PAFAH1B1: variants seen among roughly 807,000 people sequenced by gnomAD.
The protein encoded by PAFAH1B1 is platelet-activating factor acetylhydrolase IB subunit beta.
Under a neutral mutation model 57.5 loss-of-function variants are expected in PAFAH1B1, and 2 were observed. That is an observed-to-expected ratio of 0.03 (90% CI 0.01 to 0.11). The LOEUF is 0.11. Ranked by LOEUF, PAFAH1B1 falls within the 10% of genes least tolerant of loss-of-function variation. The probability of loss-of-function intolerance (pLI) is 1.00; values close to 1 mark genes in which losing one functional copy is unlikely to be tolerated. For synonymous variants in PAFAH1B1, 152 were observed against 169.6 expected, an observed-to-expected ratio of 0.90 and a Z score of 0.81; for missense variants, 257 against 512.0, an observed-to-expected ratio of 0.50 and a Z score of 4.81.
intron 1 of PAFAH1B1, among the ~76,000 whole-genome samples, chr17:2,622,915 T>A (rs1597527296): frequency 1.3e-5 from 2 of 152,364 alleles, no homozygotes; most frequent in East Asian, 3.9e-4. Context: ...TGAACCCACT[T>A]GCTCAACACC....
At chr17:2,601,693 C>T (rs187061110) in intron 1 of PAFAH1B1, among the ~76,000 whole-genome samples, 43 of 152,290 alleles carry the variant, frequency 2.8e-4, no homozygotes, top group Admixed American at 2.4e-3. Context: ...CCTCCTGCCT[C>T]GGCCCCGCAA....
At chr17:2,621,551 T>C (rs2068420574) in intron 1 of PAFAH1B1, among the ~76,000 whole-genome samples, 1 of 151,140 alleles carries the variant, frequency 6.6e-6, no homozygotes, top group Non-Finnish European at 1.5e-5. Flanking sequence ...GGAAAATATT[T>C]GGATTAAGAG....
chr17:2,594,605 G>A (rs1341835336), intron 1 of PAFAH1B1, among the ~76,000 whole-genome samples: 1 of 152,110 alleles, frequency 6.6e-6, no homozygotes, highest in Admixed American at 6.5e-5. Context: ...CGTCTCCCTG[G>A]CCCCCGGTGC....
chr17:2,680,384 C>A, intron 10 of PAFAH1B1, 64 bp downstream of exon 10: 1 of 1,433,884 alleles, frequency 7.0e-7, no homozygotes, highest in Non-Finnish European at 9.8e-7. Context: ...CTGTGTTTTA[C>A]ATAATCGTGT....
chr17:2,639,470 T>C (rs2068668778), intron 2 of PAFAH1B1: 1 of 152,250 alleles, frequency 6.6e-6, no homozygotes, highest in African/African-American at 2.4e-5. Flanking sequence ...TGACCTCTTC[T>C]GTTTTAGAGT....
intron 8 of PAFAH1B1, 34 bp from the exon 9 acceptor site, chr17:2,676,471 G>A (rs775686315): frequency 1.5e-6 from 2 of 1,319,194 alleles, no homozygotes; most frequent in South Asian, 2.4e-5. Context: ...AACTTCTTGT[G>A]TGGGAAACTT....
chr17:2,599,014 C>T (rs1347209552), intron 1 of PAFAH1B1, among the ~76,000 whole-genome samples: 1 of 152,034 alleles, frequency 6.6e-6, no homozygotes, highest in Non-Finnish European at 1.5e-5. Flanking sequence ...TTCTTGTTTT[C>T]TTTTTAAAAG....
chr17:2,658,408 A>G (rs764820133), intron 2 of PAFAH1B1, among the ~76,000 whole-genome samples: 3 of 152,212 alleles, frequency 2.0e-5, no homozygotes, highest in Non-Finnish European at 4.4e-5. Flanking sequence ...TTACTCAAGA[A>G]ATTTAATCGA....
chr17:2,665,102 A>G (rs2069088050), intron 2 of PAFAH1B1, among the ~76,000 whole-genome samples: 2 of 152,156 alleles, frequency 1.3e-5, no homozygotes, highest in Admixed American at 6.5e-5. Context: ...CACATTTGAA[A>G]CTTATAAATA....
intron 1 of PAFAH1B1, among the ~76,000 whole-genome samples, chr17:2,608,357 T>C (rs549246879): frequency 4.5e-4 from 68 of 152,340 alleles, no homozygotes; most frequent in Non-Finnish European, 8.8e-4. Context: ...GTGCTGGGAT[T>C]ACAGGCGTGA....
At chr17:2,596,665 A>G (rs926513331) in intron 1 of PAFAH1B1, among the ~76,000 whole-genome samples, 12 of 152,320 alleles carry the variant, frequency 7.9e-5, no homozygotes, top group Admixed American at 5.2e-4. Context: ...ATTAGAAAGT[A>G]GAAGGGTTAT....
At chr17:2,643,247 G>A (rs1273722833) in intron 2 of PAFAH1B1, among the ~76,000 whole-genome samples, 1 of 151,868 alleles carries the variant, frequency 6.6e-6, no homozygotes, top group African/African-American at 2.4e-5. Flanking sequence ...TGCATGCCAT[G>A]CCACCATGCT....
intron 1 of PAFAH1B1, among the ~76,000 whole-genome samples, chr17:2,604,930 G>T (rs966847273): frequency 1.3e-5 from 2 of 152,198 alleles, no homozygotes; most frequent in Non-Finnish European, 2.9e-5. Context: ...TGGCAGAGGG[G>T]ATTGTAGAAT....
intron 1 of PAFAH1B1, among the ~76,000 whole-genome samples, chr17:2,604,800 A>T (rs1200356370): frequency 6.6e-6 from 1 of 151,706 alleles, no homozygotes; most frequent in Non-Finnish European, 1.5e-5. Flanking sequence ...CGACAGCAAG[A>T]CTCTGTCTCA....
rs1234978675 is a variant in PAFAH1B1 at position 2,684,415 on chromosome 17, A to G, written c.*2613A>G. ...TTTGGATTGTAAGTAGAGGACTTTTATTAATTGGTTTAGAGGTTCACTGCT... is the reference window on the plus strand; with the variant it reads ...TTTGGATTGTAAGTAGAGGACTTTTGTTAATTGGTTTAGAGGTTCACTGCT... On this transcript the variant is annotated 3_prime_UTR_variant, in exon 11 of 11. Coordinates refer to ENST00000397195, the MANE Select transcript of PAFAH1B1 (RefSeq NM_000430.4). 1 of 152,642 alleles carries G rather than the reference A, an allele frequency of 6.6e-6. No homozygotes were observed. The highest frequency in any genetic ancestry group is 2.4e-5 in the African/African-American group (1 of 41,438). The allele number at this position is 152,642 out of a possible 1,614,324, so 9.5% of individuals were successfully genotyped here. A position where few individuals can be genotyped will look rare whatever the true frequency, so the allele number is the denominator to read the frequency against.
chr17:2,664,056 A>T (rs570743216), intron 2 of PAFAH1B1, among the ~76,000 whole-genome samples: 1 of 152,162 alleles, frequency 6.6e-6, no homozygotes, highest in South Asian at 2.1e-4. Flanking sequence ...CTGGGATTAC[A>T]GACGTGAGCC....
intron 1 of PAFAH1B1, among the ~76,000 whole-genome samples, chr17:2,599,323 TG>T (rs1639006531): frequency 6.6e-6 from 1 of 152,242 alleles, no homozygotes; most frequent in African/African-American, 2.4e-5. Context: ...GGTACTGCTT[TG>T]TAAAATCACA....
chr17:2,650,725 A>C (rs1253983412), intron 2 of PAFAH1B1, among the ~76,000 whole-genome samples: 1 of 151,996 alleles, frequency 6.6e-6, no homozygotes, highest in African/African-American at 2.4e-5. Flanking sequence ...ATTTATAGAA[A>C]TATTTTCTTT....
intron 1 of PAFAH1B1, among the ~76,000 whole-genome samples, chr17:2,607,506 A>G (rs1371177180): frequency 6.9e-6 from 1 of 144,720 alleles, no homozygotes; most frequent in African/African-American, 2.6e-5. Flanking sequence ...TTTTTTTGAG[A>G]TGGAGTCCCG....
Sources: allele counts gnomAD v4.1 joint callset (sites outside exome capture counted in the v4.1 genomes callset), GRCh38; gene constraint gnomAD v4.1.1; transcripts MANE v1.5; gene names NCBI Gene and HGNC (gene_info 2026-07-23, HGNC 2026-07-21).